SMYD3: variants seen among roughly 807,000 people sequenced by gnomAD.
The protein encoded by SMYD3 is histone-lysine N-methyltransferase SMYD3.
In SMYD3, 36 loss-of-function variants were observed where a neutral mutation model predicts 57.7. The ratio of observed to expected loss-of-function variants is 0.62; its 90% CI spans 0.48 to 0.82. SMYD3 has a LOEUF of 0.82. SMYD3 is among the 40% of genes least tolerant of loss of function. The pLI is 0.00. For synonymous variants in SMYD3, 211 were observed against 195.0 expected, an observed-to-expected ratio of 1.08 and a Z score of -0.68; for missense variants, 515 against 538.8, an observed-to-expected ratio of 0.96 and a Z score of 0.44.
chr1:245,933,637 G>T (rs1278744393), intron 5 of SMYD3, among the ~76,000 whole-genome samples: 1 of 152,136 alleles, frequency 6.6e-6, no homozygotes, highest in African/African-American at 2.4e-5. Context: ...TGACATTTGT[G>T]TCCTGAGGTT....
At chr1:245,858,831 G>A (rs1195144895) in intron 9 of SMYD3, among the ~76,000 whole-genome samples, 161 bp from the exon 10 acceptor site, 1 of 152,216 alleles carries the variant, frequency 6.6e-6, no homozygotes, top group Non-Finnish European at 1.5e-5. Flanking sequence ...AGAAGCAAAA[G>A]CACAGAAGAG....
At chr1:245,794,477 T>A (rs2047437672) in intron 10 of SMYD3, among the ~76,000 whole-genome samples, 1 of 152,246 alleles carries the variant, frequency 6.6e-6, no homozygotes, top group Non-Finnish European at 1.5e-5. Context: ...CCAGCGATGT[T>A]CTGAAGATTC....
chr1:246,427,200 A>G (rs2067231269), intron 1 of SMYD3, among the ~76,000 whole-genome samples: 1 of 152,252 alleles, frequency 6.6e-6, no homozygotes, highest in Non-Finnish European at 1.5e-5. Context: ...TCACAGAACT[A>G]TCACCAAACT....
chr1:246,144,534 T>C lies in SMYD3; in HGVS notation c.531+182667A>G, dbSNP rs568986233. Among the ~76,000 whole-genome samples, 37 of 152,342 alleles carry C rather than the reference T, an allele frequency of 2.4e-4. No individual in the cohort carries two copies. In the Middle Eastern group the frequency reaches 0.01, roughly 42 times the overall value. ...CTCCTGTTTTATTCTTCTAATTATA[T>C]GAGAATGGGCAAAGTAATATACCCT... On this transcript the variant is annotated intron_variant, in intron 5 of 11. Transcript: ENST00000490107.
chr1:246,036,207 C>A (rs954078970), intron 5 of SMYD3, among the ~76,000 whole-genome samples: 5 of 152,206 alleles, frequency 3.3e-5, no homozygotes, highest in Admixed American at 6.5e-5. Context: ...TGCCAATCAG[C>A]TTTTCAGATC....
intron 1 of SMYD3, among the ~76,000 whole-genome samples, chr1:246,478,668 A>G (rs2068060333): frequency 8.6e-6 from 1 of 116,462 alleles, no homozygotes; most frequent in South Asian, 2.6e-4. Context: ...GCTGGTACGT[A>G]AGTGCTCATA....
In SMYD3 at chr1:245,791,822, C is replaced by T. The variant is rs143582882; in HGVS notation, c.1077-27673G>A. Among the ~76,000 whole-genome samples the T allele has an allele frequency of 2.5e-3, 388 of 152,306 alleles. 1 individual carries two copies. The highest frequency in any genetic ancestry group is 8.8e-3 in the African/African-American group (365 of 41,562). The stretch of plus-strand genomic sequence containing the variant: ...CTGATTTCTGTCTCTAGAATTATCG[C>T]TGCCTTTCTTTTCTCTGGGCCACTC... On this transcript the variant is annotated intron_variant, in intron 10 of 11. Transcript: ENST00000490107.
intron 5 of SMYD3, among the ~76,000 whole-genome samples, chr1:245,966,369 A>T (rs1469055549): frequency 6.6e-6 from 1 of 151,864 alleles, no homozygotes; most frequent in Non-Finnish European, 1.5e-5. Flanking sequence ...AGGTCTCATT[A>T]TGTTTCCCAG....
chr1:246,077,166 T>C (rs2060563494), intron 5 of SMYD3, among the ~76,000 whole-genome samples: 1 of 152,198 alleles, frequency 6.6e-6, no homozygotes, highest in Non-Finnish European at 1.5e-5. Flanking sequence ...GCATGTCTAA[T>C]TATGGTGGCT....
intron 1 of SMYD3, among the ~76,000 whole-genome samples, chr1:246,369,557 C>T (rs910627437): frequency 3.3e-5 from 5 of 152,046 alleles, no homozygotes; most frequent in African/African-American, 9.7e-5. Flanking sequence ...GACAGGGTCT[C>T]GCTCTGTTAC....
chr1:245,833,764 G>A (rs923989744), intron 10 of SMYD3, among the ~76,000 whole-genome samples: 2 of 152,062 alleles, frequency 1.3e-5, no homozygotes, highest in Admixed American at 1.3e-4. Context: ...TGCATCTTGT[G>A]CAGGCAGGGA....
intron 5 of SMYD3, among the ~76,000 whole-genome samples, chr1:245,972,995 C>T (rs2058339808): frequency 6.6e-6 from 1 of 152,192 alleles, no homozygotes; most frequent in Non-Finnish European, 1.5e-5. Context: ...ATTGGGTACT[C>T]AATAAATAAA....
At chr1:246,090,042 A>G (rs1196896341) in intron 5 of SMYD3, among the ~76,000 whole-genome samples, 1 of 152,144 alleles carries the variant, frequency 6.6e-6, no homozygotes, top group Non-Finnish European at 1.5e-5. Flanking sequence ...TCTTGGTACC[A>G]AAGCAGTCAC....
chr1:246,291,440 T>C (rs982885940), intron 5 of SMYD3, among the ~76,000 whole-genome samples: 2 of 152,240 alleles, frequency 1.3e-5, no homozygotes, highest in East Asian at 1.9e-4. Context: ...TTCTCAATAC[T>C]AGTTGTTGCT....
At chr1:246,185,731 A>G (rs987546933) in intron 5 of SMYD3, among the ~76,000 whole-genome samples, 2 of 152,160 alleles carry the variant, frequency 1.3e-5, no homozygotes, top group Non-Finnish European at 2.9e-5. Context: ...AAGTGCTGGG[A>G]TTACAGGCAT....
intron 10 of SMYD3, among the ~76,000 whole-genome samples, chr1:245,853,982 C>G: frequency 6.6e-6 from 1 of 152,218 alleles, no homozygotes; most frequent in Non-Finnish European, 1.5e-5. Flanking sequence ...GCCTCTTTCT[C>G]TGATCACAAC....
chr1:245,849,405 C>T (rs1293907951), intron 10 of SMYD3, among the ~76,000 whole-genome samples: 1 of 152,064 alleles, frequency 6.6e-6, no homozygotes, highest in Non-Finnish European at 1.5e-5. Flanking sequence ...TGAAGACCTC[C>T]AGTTACCTTG....
At chr1:245,828,295 CATT>C (rs1158554301) in intron 10 of SMYD3, among the ~76,000 whole-genome samples, 1 of 152,104 alleles carries the variant, frequency 6.6e-6, no homozygotes, top group African/African-American at 2.4e-5. Context: ...AATAAATTAA[CATT>C]ATTAAAGGAT....
At chr1:245,754,925 C>G (rs7545780) in intron 11 of SMYD3, among the ~76,000 whole-genome samples, 20,744 of 152,202 alleles carry the variant, frequency 0.14, 2,094 homozygotes, top group African/African-American at 0.28. Context: ...AAGGAGGAAC[C>G]AGGTGGCCCC....
Sources: gnomAD v4.1 joint callset for allele counts (sites outside exome capture counted in the v4.1 genomes callset) on GRCh38, gnomAD v4.1.1 for gene constraint, MANE v1.5 for transcripts, NCBI Gene and HGNC (gene_info 2026-07-23, HGNC 2026-07-21) for gene names.